Variants in CSTPP1 observed in about 807,000 individuals in gnomAD.
The protein encoded by CSTPP1 is UPF0705 protein C11orf49.
At chr11:47,055,317 G>T in the CSTPP1 span, among the ~76,000 whole-genome samples, 3 of 150,126 alleles carry the variant, frequency 2.0e-5, no homozygotes, top group African/African-American at 7.3e-5. Flanking sequence ...CTTCTTTCTT[G>T]CCTTCCTTCC....
chr11:47,101,483 T>C, the CSTPP1 span, among the ~76,000 whole-genome samples: 5 of 151,978 alleles, frequency 3.3e-5, no homozygotes, highest in Admixed American at 3.3e-4. Flanking sequence ...GAATTTCCCA[T>C]GTTACTTGAA....
chr11:47,092,190 AT>A, the CSTPP1 span, among the ~76,000 whole-genome samples: 1 of 152,222 alleles, frequency 6.6e-6, no homozygotes, highest in Non-Finnish European at 1.5e-5. Context: ...AAAAAGAGGT[AT>A]TTTATTTTAA....
chr11:47,010,183 G>A, the CSTPP1 span, among the ~76,000 whole-genome samples: 1,338 of 152,290 alleles, frequency 8.8e-3, 18 homozygotes, highest in Middle Eastern at 0.027. Flanking sequence ...TCCGGGAAGC[G>A]AAGACTACTT....
chr11:46,944,317 C>CAAAA, the CSTPP1 span, among the ~76,000 whole-genome samples: 8 of 77,476 alleles, frequency 1.0e-4, no homozygotes, highest in African/African-American at 2.4e-4. Flanking sequence ...GACTGCTTCT[C>CAAAA]AAAAAAAAAA....
the CSTPP1 span, among the ~76,000 whole-genome samples, chr11:47,137,125 A>G: frequency 6.6e-6 from 1 of 152,234 alleles, no homozygotes; most frequent in Non-Finnish European, 1.5e-5. Context: ...AGCCTGCTGC[A>G]GTACTGGATG....
At chr11:46,960,058 C>T in the CSTPP1 span, among the ~76,000 whole-genome samples, 9 of 151,858 alleles carry the variant, frequency 5.9e-5, no homozygotes, top group Non-Finnish European at 1.2e-4. Flanking sequence ...GTAGAGACAG[C>T]GTTTCACCAT....
the CSTPP1 span, among the ~76,000 whole-genome samples, chr11:47,065,183 A>G: frequency 6.6e-6 from 1 of 152,146 alleles, no homozygotes; most frequent in Non-Finnish European, 1.5e-5. Flanking sequence ...TACCATTGGA[A>G]TTTTGATAGG....
At chr11:46,995,953 G>C in the CSTPP1 span, among the ~76,000 whole-genome samples, 2 of 152,146 alleles carry the variant, frequency 1.3e-5, no homozygotes, top group African/African-American at 4.8e-5. Flanking sequence ...TTATGAATCT[G>C]GGTGCTCCTG....
the CSTPP1 span, among the ~76,000 whole-genome samples, chr11:46,980,719 G>C: frequency 1.3e-5 from 2 of 152,076 alleles, no homozygotes; most frequent in Non-Finnish European, 2.9e-5. Context: ...TGAAGTAGAT[G>C]TATGTATTTG....
chr11:47,013,354 G>C, the CSTPP1 span, among the ~76,000 whole-genome samples: 1 of 151,862 alleles, frequency 6.6e-6, no homozygotes, highest in Non-Finnish European at 1.5e-5. Flanking sequence ...CATCACCTAG[G>C]TATTAAGCCC....
At chr11:47,014,634 G>T in the CSTPP1 span, among the ~76,000 whole-genome samples, 1 of 151,842 alleles carries the variant, frequency 6.6e-6, no homozygotes, top group Admixed American at 6.6e-5. Flanking sequence ...GGACCCGGGA[G>T]GCAGAGGTTG....
chr11:47,136,278 C>T, the CSTPP1 span, among the ~76,000 whole-genome samples: 4 of 152,148 alleles, frequency 2.6e-5, no homozygotes, highest in East Asian at 7.7e-4. Context: ...TTTCTCCCTT[C>T]CCTTCGCCTT....
At chr11:47,007,126 T>C in the CSTPP1 span, among the ~76,000 whole-genome samples, 1 of 149,798 alleles carries the variant, frequency 6.7e-6, no homozygotes, top group Non-Finnish European at 1.5e-5. Context: ...TCTGCCTTCC[T>C]GGTTCAAGTG....
the CSTPP1 span, among the ~76,000 whole-genome samples, chr11:47,020,326 GTATT>G: frequency 6.6e-6 from 1 of 152,130 alleles, no homozygotes; most frequent in African/African-American, 2.4e-5. Context: ...ATAAAATAAT[GTATT>G]TATTTGAGTC....
the CSTPP1 span, among the ~76,000 whole-genome samples, chr11:46,949,946 T>C: frequency 1.3e-5 from 2 of 152,114 alleles, no homozygotes; most frequent in African/African-American, 4.8e-5. Flanking sequence ...ATGCTGGGAT[T>C]ACAAGCATGA....
At chr11:47,124,114 CTTTTTTTTTTTTT>C in the CSTPP1 span, among the ~76,000 whole-genome samples, 1 of 63,216 alleles carries the variant, frequency 1.6e-5, no homozygotes, top group Non-Finnish European at 2.7e-5. Context: ...AATGGTCTTA[CTTTTTTTTTTTTT>C]TTTTTTTTTT....
chr11:46,994,574 A>G, the CSTPP1 span, among the ~76,000 whole-genome samples: 1 of 152,212 alleles, frequency 6.6e-6, no homozygotes, highest in Non-Finnish European at 1.5e-5. Context: ...ATGATGGATT[A>G]CATTTATTGA....
At chr11:47,018,390 G>A in the CSTPP1 span, among the ~76,000 whole-genome samples, 1 of 150,946 alleles carries the variant, frequency 6.6e-6, no homozygotes, top group Non-Finnish European at 1.5e-5. Context: ...TGCTGCCTGG[G>A]TTCAAGTGAT....
chr11:47,006,590 C>CTT, the CSTPP1 span, among the ~76,000 whole-genome samples: 4 of 144,120 alleles, frequency 2.8e-5, no homozygotes, highest in African/African-American at 2.5e-5. Flanking sequence ...GTCTCTGTCT[C>CTT]TTTTTTTTTT....
Sources: gnomAD v4.1 joint callset for allele counts (sites outside exome capture counted in the v4.1 genomes callset) on GRCh38, gnomAD v4.1.1 for gene constraint, MANE v1.5 for transcripts, NCBI Gene and HGNC (gene_info 2026-07-23, HGNC 2026-07-21) for gene names.